Variants in INPP5D observed in about 807,000 individuals in gnomAD.
The protein encoded by INPP5D is phosphatidylinositol 3,4,5-trisphosphate 5-phosphatase 1.
A neutral mutation model predicts 122.9 loss-of-function variants in INPP5D; 33 were observed. The observed-to-expected ratio is 0.27, with a 90% CI of 0.20 to 0.36. The LOEUF (loss-of-function observed/expected upper bound fraction) is 0.36. INPP5D is among the 10% of genes least tolerant of loss of function. INPP5D has a pLI of 1.00. For synonymous variants in INPP5D, 584 were observed against 576.2 expected (o/e 1.01, Z -0.19); for missense variants, 1,053 against 1,412.7 (o/e 0.75, Z 4.08).
intron 4 of INPP5D, 149 bp from the exon 5 acceptor site, chr2:233,130,359 C>A: frequency 1.2e-6 from 1 of 832,372 alleles, no homozygotes; most frequent in Non-Finnish European, 1.8e-6. Flanking sequence ...CGGGAACCTT[C>A]GTCCAGGTTT....
At chr2:233,130,052 C>T (rs2106263680) in intron 4 of INPP5D, among the ~76,000 whole-genome samples, 1 of 152,312 alleles carries the variant, frequency 6.6e-6, no homozygotes, top group African/African-American at 2.4e-5. Context: ...CAGGCACCCA[C>T]CACCACACCC....
intron 21 of INPP5D, among the ~76,000 whole-genome samples, chr2:233,187,440 G>A (rs1037663407): frequency 1.3e-5 from 2 of 152,174 alleles, no homozygotes; most frequent in African/African-American, 4.8e-5. Context: ...CACTCGAGGT[G>A]AATTTTAAAA....
At chr2:233,156,134 G>T (rs1021239124) in intron 9 of INPP5D, among the ~76,000 whole-genome samples, 1 of 152,238 alleles carries the variant, frequency 6.6e-6, no homozygotes, top group Non-Finnish European at 1.5e-5. Flanking sequence ...GAAGATGCTG[G>T]CTGTGCCCAA....
intron 1 of INPP5D, 107 bp from the exon 2 acceptor site, chr2:233,079,228 C>G (rs1236341437): frequency 5.4e-6 from 4 of 742,694 alleles, no homozygotes; most frequent in African/African-American, 5.2e-5. Flanking sequence ...AATTCGGAGA[C>G]TTTGTGTCCA....
chr2:233,070,189 A>T (rs1040664234), intron 1 of INPP5D, among the ~76,000 whole-genome samples: 1 of 152,164 alleles, frequency 6.6e-6, no homozygotes, highest in Non-Finnish European at 1.5e-5. Flanking sequence ...ATCTACTTGC[A>T]CAAGTTTATA....
chr2:233,174,226 T>C (rs1694563660), intron 17 of INPP5D, among the ~76,000 whole-genome samples: 1 of 152,276 alleles, frequency 6.6e-6, no homozygotes, highest in African/African-American at 2.4e-5. Flanking sequence ...TCAAATATTA[T>C]GTACTGAACA....
At chr2:233,204,824 G>A in intron 26 of INPP5D, 107 bp downstream of exon 26, 1 of 1,393,394 alleles carries the variant, frequency 7.2e-7, no homozygotes, top group East Asian at 2.6e-5. Context: ...GTGCACGCAT[G>A]CATATGTGCG....
Position 233,125,725 on chromosome 2 carries a change from C to T in INPP5D, c.350-20C>T. The stretch of plus-strand genomic sequence containing the variant: ...TGCGCACAGTGTCCTCACCAATGGC[C>T]TTCCTGCTGTTCTCTCCAGTAGAAA... On this transcript the variant is annotated intron_variant, in intron 3 of 26. Coordinates refer to ENST00000445964, the MANE Select transcript of INPP5D (RefSeq NM_001017915.3). 6.2e-7 allele frequency: 1 copy of T among 1,605,328 alleles called. No homozygotes were observed. The highest frequency in any genetic ancestry group is 1.1e-5 in the South Asian group (1 of 89,708).
intron 13 of INPP5D, among the ~76,000 whole-genome samples, chr2:233,167,569 G>A (rs1027578837): frequency 6.6e-5 from 10 of 152,136 alleles, no homozygotes; most frequent in African/African-American, 1.2e-4. Flanking sequence ...GCGGGCAGAG[G>A]GGCAGGGCTG....
At chr2:233,187,134 T>C (rs1694942597) in intron 21 of INPP5D, among the ~76,000 whole-genome samples, 1 of 148,328 alleles carries the variant, frequency 6.7e-6, no homozygotes, top group African/African-American at 2.4e-5. Context: ...CAGTAAGCTA[T>C]GATCATGCCA....
In INPP5D at chr2:233,177,327, C is replaced by T. The variant is rs201285742; in HGVS notation, c.2052C>T (p.His684=). 2.2e-4 allele frequency: 356 copies of T among 1,613,846 alleles called. No individual in the cohort carries two copies. The highest frequency in any genetic ancestry group is 2.8e-4 in the Admixed American group (17 of 60,018). Residue 684 remains histidine, a synonymous_variant, in exon 18 of 27, where the codon CAC becomes CAT. Coordinates refer to ENST00000445964, the MANE Select transcript of INPP5D (RefSeq NM_001017915.3). This position sits in a 1 kb window ranked among gnomAD's most constrained non-coding sequence, Gnocchi z 4.2. ...TCTGGAAGTCTTATCCCCTGGTGCA[C>T]GTGGTGTGTCAGTCTTATGGTGAGT... is the stretch of plus-strand genomic sequence containing the variant. ...RVLWKSYPLV[H]VVCQSYGSTS...
At chr2:233,158,515 C>T in intron 10 of INPP5D, 96 bp downstream of exon 10, 1 of 577,214 alleles carries the variant, frequency 1.7e-6, no homozygotes, top group Non-Finnish European at 3.1e-6. Context: ...ATCATTAGCT[C>T]ACTCAGTTCC....
intron 4 of INPP5D, among the ~76,000 whole-genome samples, chr2:233,126,294 C>G (rs992163775): frequency 6.6e-6 from 1 of 152,158 alleles, no homozygotes; most frequent in Non-Finnish European, 1.5e-5. Flanking sequence ...GCTCCATTGC[C>G]CCCCAAAGAA....
chr2:233,060,371 C>T lies in INPP5D; in HGVS notation c.-108C>T. 1 of 1,342,970 alleles carries T rather than the reference C, an allele frequency of 7.4e-7. No individual in the cohort carries two copies. Among genetic ancestry groups the T allele is most frequent in the Non-Finnish European group, 1.0e-6 (1 of 996,208 alleles). The allele number at this position is 1,342,970 out of a possible 1,614,324, so 83.2% of individuals were successfully genotyped here. On this transcript the variant is annotated 5_prime_UTR_variant, in exon 1 of 27. Coordinates refer to ENST00000445964, the MANE Select transcript of INPP5D (RefSeq NM_001017915.3). The stretch of plus-strand genomic sequence containing the variant: ...AAGCTGGTGGCAGCAGCCGAGGCCA[C>T]CAAGAGGCAACGGGCGGCAGGTTGC...
At chr2:233,166,126 G>A (rs922210881) in intron 13 of INPP5D, among the ~76,000 whole-genome samples, 1 of 152,168 alleles carries the variant, frequency 6.6e-6, no homozygotes, top group Non-Finnish European at 1.5e-5. Flanking sequence ...TGGGGCTGGC[G>A]TGGCTATCCT....
chr2:233,082,449 C>G lies in INPP5D; in HGVS notation c.198+3051C>G, dbSNP rs1691716318. Among the ~76,000 whole-genome samples the G allele has an allele frequency of 6.6e-6, 1 of 152,202 alleles. No individual in the cohort carries two copies. The highest frequency in any genetic ancestry group is 2.4e-5 in the African/African-American group (1 of 41,448). On this transcript the variant is annotated intron_variant, in intron 2 of 26. Coordinates refer to ENST00000445964, the MANE Select transcript of INPP5D (RefSeq NM_001017915.3). This position sits in a 1 kb window ranked among gnomAD's most constrained non-coding sequence, Gnocchi z 4.7. ...AATAACTCATTCCTGACACCTGAGC[C>G]TGTTCAGTGCCACCAGAATACGAGG...
chr2:233,182,490 T>C lies in INPP5D; in HGVS notation c.2152T>C (p.Ser718Pro), dbSNP rs1223293626. Residue 718 changes from serine to proline, a missense_variant, in exon 19 of 27, where the codon TCC (serine) becomes CCC (proline). Physicochemically the swap from Ser to Pro is moderately conservative, Grantham distance 74. Transcript: ENST00000445964. ...FEAGVTSQFVSKNGPGTVDSQ... is the reference protein window; with the variant it reads ...FEAGVTSQFVPKNGPGTVDSQ... ...GGCAGGAGTCACTTCCCAGTTTGTC[T>C]CCAAGAACGGTAAGCAAAGGATGGT... 1 of 1,613,278 alleles carries C rather than the reference T, an allele frequency of 6.2e-7. No individual in the cohort carries two copies. Among genetic ancestry groups the C allele is most frequent in the Non-Finnish European group, 8.5e-7 (1 of 1,179,500 alleles).
intron 5 of INPP5D, among the ~76,000 whole-genome samples, chr2:233,137,947 TATAATG>T (rs1293514573): frequency 9.9e-6 from 1 of 100,878 alleles, no homozygotes; most frequent in African/African-American, 3.2e-5. Flanking sequence ...ATTATTATGA[TATAATG>T]ATATTATATT....
At chr2:233,061,546 C>T (rs79884396) in intron 1 of INPP5D, among the ~76,000 whole-genome samples, 1,692 of 152,218 alleles carry the variant, frequency 0.011, 34 homozygotes, top group African/African-American at 0.039. Context: ...AATGTTCCCC[C>T]GAGCAGCCAG....
Sources: allele counts gnomAD v4.1 joint callset (sites outside exome capture counted in the v4.1 genomes callset), GRCh38; gene constraint gnomAD v4.1.1; non-coding constraint Gnocchi (gnomAD v3.1); transcripts MANE v1.5; gene names NCBI Gene and HGNC (gene_info 2026-07-23, HGNC 2026-07-21).